SOX5: variants seen among roughly 807,000 people sequenced by gnomAD.
SOX5 encodes SRY-box transcription factor 5.
SOX5 carries 9 observed loss-of-function variants against 92.0 expected under a neutral mutation model. That is an observed-to-expected ratio of 0.10 (90% CI 0.06 to 0.17). The LOEUF is 0.17. Among genes scored for constraint, SOX5 ranks in the 10% least tolerant of loss-of-function variants. SOX5 has a pLI of 1.00. For synonymous variants in SOX5, 344 were observed against 336.3 expected (o/e 1.02, Z -0.25); for missense variants, 642 against 944.5 (o/e 0.68, Z 4.20).
chr12:24,380,484 T>C (rs999860007), intron 1 of SOX5, among the ~76,000 whole-genome samples: 2 of 152,244 alleles, frequency 1.3e-5, no homozygotes, highest in East Asian at 1.9e-4. Context: ...TGTCAAAACA[T>C]GGTACTCAAT....
At chr12:24,339,163 C>CCACACACACACACACACACACA (rs56243419) in intron 2 of SOX5, among the ~76,000 whole-genome samples, 2 of 140,382 alleles carry the variant, frequency 1.4e-5, no homozygotes, top group Non-Finnish European at 3.1e-5. Flanking sequence ...TCTCTCTCTG[C>CCACACACACACACACACACACA]CACACACACA....
At chr12:23,572,360 CA>C (rs756846152) in intron 10 of SOX5, among the ~76,000 whole-genome samples, 2 of 151,866 alleles carry the variant, frequency 1.3e-5, no homozygotes, top group Non-Finnish European at 2.9e-5. Flanking sequence ...TTTCAGCTTT[CA>C]ACATCTGCAT....
At position 24,165,719 on chromosome 12, in the gene SOX5, A is replaced by T. The variant is rs920742945; in HGVS notation, c.-2+47624T>A. 1.8e-3 allele frequency among the ~76,000 whole-genome samples: 274 copies of T among 152,270 alleles called. 2 individuals are homozygous for T. Among genetic ancestry groups the T allele is most frequent in the African/African-American group, 6.3e-3 (261 of 41,572 alleles). On this transcript the variant is annotated intron_variant, in intron 4 of 4. Coordinates refer to the SOX5 transcript ENST00000446891. ...AAGATGTGTAGGTTGATATGGCTGG[A>T]GTTTGGCAGAGCCAACGGTGGGGAA...
chr12:24,472,154 A>C (rs1398977378), intron 1 of SOX5, among the ~76,000 whole-genome samples: 1 of 152,230 alleles, frequency 6.6e-6, no homozygotes, highest in Non-Finnish European at 1.5e-5. Flanking sequence ...AAACATGCAC[A>C]AGAAAGATCA....
Position 23,941,102 on chromosome 12 carries a change from AAT to A in SOX5, c.38+8460_38+8461del, listed in dbSNP as rs1026210054. Reference sequence around the variant, plus strand: ...TTTGAAAAAACTGCAGCTTCATTAGAATTTGGCAGGATTCATTCAAGAGATCA... The same window carrying A: ...TTTGAAAAAACTGCAGCTTCATTAGATTGGCAGGATTCATTCAAGAGATCA... On this transcript the variant is annotated intron_variant, in intron 1 of 14. Transcript: ENST00000451604. Among the ~76,000 whole-genome samples the A allele has an allele frequency of 5.2e-4, 79 of 151,598 alleles. 1 individual carries two copies. Among genetic ancestry groups the A allele is most frequent in the Admixed American group, 1.7e-3 (26 of 15,162 alleles).
chr12:24,225,001 C>T (rs1174127515), intron 3 of SOX5, among the ~76,000 whole-genome samples: 1 of 152,154 alleles, frequency 6.6e-6, no homozygotes, highest in Non-Finnish European at 1.5e-5. Flanking sequence ...CAGACTGCCG[C>T]CCCTGGGTGA....
chr12:23,642,041 T>G (rs1566632180), intron 7 of SOX5, among the ~76,000 whole-genome samples: 1 of 152,224 alleles, frequency 6.6e-6, no homozygotes, highest in Non-Finnish European at 1.5e-5. Flanking sequence ...TTTGGGCTTT[T>G]GAAACTGGCC....
intron 4 of SOX5, among the ~76,000 whole-genome samples, chr12:24,092,273 G>A (rs1406429556): frequency 6.6e-6 from 1 of 151,592 alleles, no homozygotes; most frequent in Non-Finnish European, 1.5e-5. Context: ...AAAACTTACT[G>A]ACTTGATTTT....
intron 3 of SOX5, among the ~76,000 whole-genome samples, chr12:23,772,395 A>T (rs1445094367): frequency 6.6e-6 from 1 of 152,246 alleles, no homozygotes; most frequent in Non-Finnish European, 1.5e-5. Context: ...ACCAACATTA[A>T]ATAACAAAGC....
intron 4 of SOX5, among the ~76,000 whole-genome samples, chr12:24,132,438 G>A (rs75223421): frequency 0.012 from 1,809 of 152,136 alleles, 21 homozygotes; most frequent in South Asian, 0.038. Flanking sequence ...TTTTTAATTC[G>A]TTTTGACTTC....
At chr12:23,707,639 G>A (rs769924012) in intron 6 of SOX5, among the ~76,000 whole-genome samples, 2 of 152,042 alleles carry the variant, frequency 1.3e-5, no homozygotes, top group South Asian at 2.1e-4. Flanking sequence ...CTCGATTTTA[G>A]TTTTGGACTT....
chr12:23,824,634 C>G (rs925587204), intron 3 of SOX5, among the ~76,000 whole-genome samples: 1 of 152,136 alleles, frequency 6.6e-6, no homozygotes, highest in African/African-American at 2.4e-5. Context: ...ATCCACTGCT[C>G]TCTTCAGAGC....
chr12:24,071,513 C>A (rs1221166162), intron 4 of SOX5, among the ~76,000 whole-genome samples: 2 of 152,192 alleles, frequency 1.3e-5, no homozygotes, highest in African/African-American at 4.8e-5. Context: ...CGGCTCACTG[C>A]AAGCTCTGCC....
At chr12:24,555,065 C>G (rs745689494) in intron 1 of SOX5, among the ~76,000 whole-genome samples, 2 of 152,234 alleles carry the variant, frequency 1.3e-5, no homozygotes, top group Non-Finnish European at 2.9e-5. Flanking sequence ...TCTAAGGCAA[C>G]AAAGTGCTGG....
At chr12:23,635,867 G>A (rs907118126) in intron 8 of SOX5, among the ~76,000 whole-genome samples, 1 of 152,100 alleles carries the variant, frequency 6.6e-6, no homozygotes, top group African/African-American at 2.4e-5. Context: ...TGGTGTATTA[G>A]TAGGTGGAAT....
chr12:24,143,625 G>C (rs1419555341), intron 4 of SOX5, among the ~76,000 whole-genome samples: 1 of 152,012 alleles, frequency 6.6e-6, no homozygotes, highest in East Asian at 1.9e-4. Flanking sequence ...TAAGACACTA[G>C]AGGGAAAAAA....
At chr12:23,543,415 C>T (rs758559313) in intron 12 of SOX5, 31 bp from the exon 13 acceptor site, 8 of 1,584,034 alleles carry the variant, frequency 5.1e-6, no homozygotes, top group Middle Eastern at 1.8e-4. Context: ...TTCGTGTTAG[C>T]GTTAAAACTT....
chr12:24,141,049 G>A (rs1435230096), intron 4 of SOX5, among the ~76,000 whole-genome samples: 1 of 98,222 alleles, frequency 1.0e-5, no homozygotes, highest in African/African-American at 3.5e-5. Context: ...TTCTGGGTCA[G>A]AAATAGAGAA....
chr12:23,702,894 C>T (rs1219446198), intron 6 of SOX5, among the ~76,000 whole-genome samples: 2 of 152,034 alleles, frequency 1.3e-5, no homozygotes, highest in African/African-American at 4.8e-5. Flanking sequence ...ACAATGAGTG[C>T]AAGCTTATAG....
Sources: gnomAD v4.1 joint callset for allele counts (sites outside exome capture counted in the v4.1 genomes callset) on GRCh38, gnomAD v4.1.1 for gene constraint, MANE v1.5 for transcripts, NCBI Gene and HGNC (gene_info 2026-07-23, HGNC 2026-07-21) for gene names.